SLC35F3: variants seen among roughly 807,000 people sequenced by gnomAD.
SLC35F3 encodes the protein putative thiamine transporter SLC35F3.
SLC35F3 carries 25 observed loss-of-function variants against 49.9 expected under a neutral mutation model. The observed-to-expected ratio is 0.50, with a 90% CI of 0.37 to 0.70. The LOEUF is 0.70. SLC35F3 is among the 30% of genes least tolerant of loss of function. The pLI is 0.00. For synonymous variants in SLC35F3, 275 were observed against 265.4 expected (o/e 1.04, Z -0.35); for missense variants, 525 against 639.8 (o/e 0.82, Z 1.94).
intron 2 of SLC35F3, among the ~76,000 whole-genome samples, chr1:233,949,995 C>T (rs1022302592): frequency 6.6e-6 from 1 of 152,046 alleles, no homozygotes; most frequent in African/African-American, 2.4e-5. Context: ...CTATTTGTCC[C>T]CAGTTTTTTT....
At chr1:233,952,005 C>A (rs1376281416) in intron 2 of SLC35F3, among the ~76,000 whole-genome samples, 1 of 152,024 alleles carries the variant, frequency 6.6e-6, no homozygotes, top group East Asian at 1.9e-4. Flanking sequence ...TCATTTTTTT[C>A]TCTAATCCCA....
intron 2 of SLC35F3, among the ~76,000 whole-genome samples, chr1:234,007,410 C>T (rs1468321385): frequency 6.6e-6 from 1 of 152,118 alleles, no homozygotes; most frequent in Non-Finnish European, 1.5e-5. Flanking sequence ...GGCCAAGTTC[C>T]TCCTGCGGAG....
At chr1:234,208,563 C>A (rs2102938738) in intron 2 of SLC35F3, among the ~76,000 whole-genome samples, 1 of 152,286 alleles carries the variant, frequency 6.6e-6, no homozygotes, top group African/African-American at 2.4e-5. Flanking sequence ...TCAATACAGC[C>A]CCTGGGTGGT....
At chr1:234,041,772 T>C (rs1414010309) in intron 2 of SLC35F3, among the ~76,000 whole-genome samples, 1 of 152,214 alleles carries the variant, frequency 6.6e-6, no homozygotes, top group Non-Finnish European at 1.5e-5. Flanking sequence ...AGGCACAGTT[T>C]CCATTATACA....
intron 2 of SLC35F3, among the ~76,000 whole-genome samples, chr1:234,121,384 C>T (rs1463798438): frequency 1.3e-5 from 2 of 151,738 alleles, no homozygotes; most frequent in African/African-American, 2.4e-5. Flanking sequence ...GTGATCCGCC[C>T]GCCTCGGCCT....
Position 233,992,025 on chromosome 1 carries a change from G to A in SLC35F3, c.283+86267G>A, listed in dbSNP as rs142819255. On this transcript the variant is annotated intron_variant, in intron 2 of 7. Transcript: ENST00000366618. ...TGATAAGAAATGGGAACATTGTGGC[G>A]AGTAAATGCAGGAATTTGTAAGGTC... Among the ~76,000 whole-genome samples, 363 of 152,266 alleles carry A rather than the reference G, an allele frequency of 2.4e-3. 1 individual carries two copies. Among genetic ancestry groups the A allele is most frequent in the African/African-American group, 8.3e-3 (345 of 41,550 alleles).
rs79379899 is a variant in SLC35F3, at chr1:234,150,110, C to G, written c.284-81307C>G. Reference sequence around the variant, plus strand: ...TCTGAGAATTTTTGCTCATCCAATCCTACTACTCAAAATGAAAACTTCTAG... The same window carrying G: ...TCTGAGAATTTTTGCTCATCCAATCGTACTACTCAAAATGAAAACTTCTAG... On this transcript the variant is annotated intron_variant, in intron 2 of 7. Transcript: ENST00000366618. Among the ~76,000 whole-genome samples, 1,111 of 152,338 alleles carry G rather than the reference C, an allele frequency of 7.3e-3. 20 individuals are homozygous for G. The highest frequency in any genetic ancestry group is 0.024 in the African/African-American group (1,001 of 41,572).
At chr1:234,020,699 G>A (rs1663878395) in intron 2 of SLC35F3, among the ~76,000 whole-genome samples, 1 of 152,138 alleles carries the variant, frequency 6.6e-6, no homozygotes, top group African/African-American at 2.4e-5. Flanking sequence ...CAGAATTTGT[G>A]TGTGTGTGTG....
chr1:234,308,448 A>G (rs150311661), intron 3 of SLC35F3, among the ~76,000 whole-genome samples: 2,932 of 147,750 alleles, frequency 0.02, 49 homozygotes, highest in Admixed American at 0.03. Flanking sequence ...ACATTATGAG[A>G]TTTTTTTTTT....
rs576660417 is a variant in SLC35F3 at position 234,082,147 on chromosome 1, A to G, written c.284-149270A>G. Among the ~76,000 whole-genome samples, 6 of 152,168 alleles carry G rather than the reference A, an allele frequency of 3.9e-5. No individual in the cohort carries two copies. In the East Asian group the frequency reaches 9.7e-4, roughly 24 times the overall value. On this transcript the variant is annotated intron_variant, in intron 2 of 7. Coordinates refer to ENST00000366618, the MANE Select transcript of SLC35F3 (RefSeq NM_173508.4). ...TATATTAATATACAAAACAGATTCC[A>G]TAATAATTCATGTCTGCCAGCAGAA...
At chr1:234,055,808 A>G (rs1664448751) in intron 2 of SLC35F3, among the ~76,000 whole-genome samples, 1 of 152,130 alleles carries the variant, frequency 6.6e-6, no homozygotes. Flanking sequence ...TTTTTGATAG[A>G]GATTTTACTC....
intron 3 of SLC35F3, among the ~76,000 whole-genome samples, chr1:234,253,457 T>A (rs75611286): frequency 5.4e-5 from 8 of 147,802 alleles, no homozygotes; most frequent in Admixed American, 6.7e-5. Context: ...CATTTGAATT[T>A]AAAAAAAAAA....
At position 234,019,891 on chromosome 1, in the gene SLC35F3, A is replaced by G. The variant is rs554775388; in HGVS notation, c.283+114133A>G. ...GCTATGTTGCCTAGTTAACATTACA[A>G]ATGTGAAATTTGTCATTCTAAGAGT... On this transcript the variant is annotated intron_variant, in intron 2 of 7. Transcript: ENST00000366618. Among the ~76,000 whole-genome samples the G allele has an allele frequency of 7.9e-5, 12 of 152,300 alleles. No homozygotes were observed. The South Asian group carries it at 2.5e-3, about 32-fold the overall frequency.
At chr1:233,987,552 A>G (rs1179603758) in intron 2 of SLC35F3, among the ~76,000 whole-genome samples, 1 of 147,260 alleles carries the variant, frequency 6.8e-6, no homozygotes, top group Non-Finnish European at 1.5e-5. Flanking sequence ...AGCTTTTAGT[A>G]TATTGATTTT....
At chr1:234,207,098 C>T (rs1273941038) in intron 2 of SLC35F3, among the ~76,000 whole-genome samples, 1 of 152,022 alleles carries the variant, frequency 6.6e-6, no homozygotes, top group Non-Finnish European at 1.5e-5. Flanking sequence ...CAGCTGTGGT[C>T]GATGAGTCAT....
chr1:234,151,269 AC>A (rs934673042), intron 2 of SLC35F3, among the ~76,000 whole-genome samples: 10 of 151,932 alleles, frequency 6.6e-5, no homozygotes, highest in Non-Finnish European at 1.5e-4. Context: ...AAAAAAAAAA[AC>A]AGAAGAGGAA....
At chr1:234,278,982 T>C (rs1253587129) in intron 3 of SLC35F3, among the ~76,000 whole-genome samples, 3 of 151,046 alleles carry the variant, frequency 2.0e-5, no homozygotes, top group Admixed American at 6.6e-5. Context: ...TTTGCCAAAG[T>C]GAAGGATGTG....
intron 2 of SLC35F3, among the ~76,000 whole-genome samples, chr1:234,101,663 T>C (rs1665215284): frequency 6.6e-6 from 1 of 152,246 alleles, no homozygotes; most frequent in Non-Finnish European, 1.5e-5. Context: ...AGCACTTTTC[T>C]AGACCTTTCT....
chr1:234,052,443 C>T (rs147722910), intron 2 of SLC35F3, among the ~76,000 whole-genome samples: 1,677 of 152,220 alleles, frequency 0.011, 24 homozygotes, highest in African/African-American at 0.037. Context: ...TTATAGTATT[C>T]TCTGATGGTA....
Sources: allele counts gnomAD v4.1 joint callset (sites outside exome capture counted in the v4.1 genomes callset), GRCh38; gene constraint gnomAD v4.1.1; transcripts MANE v1.5; gene names NCBI Gene and HGNC (gene_info 2026-07-23, HGNC 2026-07-21).